The following STK38 variants were observed in gnomAD, a reference collection of about 807,000 sequenced individuals.
STK38 encodes serine/threonine kinase 38, also known as serine/threonine-protein kinase 38.
A neutral mutation model predicts 59.0 loss-of-function variants in STK38; 26 were observed. The ratio of observed to expected loss-of-function variants is 0.44; its 90% confidence interval spans 0.32 to 0.61. The LOEUF (loss-of-function observed/expected upper bound fraction) is 0.61. STK38 is among the 20% of genes least tolerant of loss of function. The pLI, the probability that STK38 is intolerant of heterozygous loss-of-function variation, is 0.04. For missense variants in STK38, 433 were observed against 566.0 expected (o/e 0.76, Z 2.38); for synonymous variants, 175 against 176.6 (o/e 0.99, Z 0.07).
intron 9 of STK38, among the ~76,000 whole-genome samples, chr6:36,500,826 C>G (rs1167017025): frequency 6.7e-6 from 1 of 149,736 alleles, no homozygotes; most frequent in Non-Finnish European, 1.5e-5. Context: ...TTCTATGATA[C>G]ACATTCTTTG....
chr6:36,513,707 C>T (rs955955866), intron 7 of STK38, among the ~76,000 whole-genome samples: 1 of 151,870 alleles, frequency 6.6e-6, no homozygotes, highest in African/African-American at 2.4e-5. Context: ...CACTTCTGCA[C>T]ATTATAATGA....
At position 36,540,213 on chromosome 6, in the gene STK38, A is replaced by C. The variant is rs1777900396; in HGVS notation, c.-5-6T>G. 6.2e-7 allele frequency: 1 copy of C among 1,613,530 alleles called. No individual in the cohort carries two copies. The highest frequency in any genetic ancestry group is 1.7e-5 in the Admixed American group (1 of 59,896). On this transcript the variant is annotated splice_polypyrimidine_tract_variant and splice_region_variant and intron_variant, in intron 1 of 13. Transcript: ENST00000229812. ...GCCTGTCATTGCCATGGCTGCTAGAAACAAAGAAAAGAAGAGGTGTTAGAT... is the reference window on the plus strand; with the variant it reads ...GCCTGTCATTGCCATGGCTGCTAGACACAAAGAAAAGAAGAGGTGTTAGAT...
intron 1 of STK38, among the ~76,000 whole-genome samples, chr6:36,546,029 T>A (rs1204429423): frequency 6.6e-6 from 1 of 152,224 alleles, no homozygotes; most frequent in East Asian, 1.9e-4. Context: ...CAATCCATTA[T>A]CTTTCATTTG....
intron 2 of STK38, among the ~76,000 whole-genome samples, chr6:36,530,980 G>A (rs1171211368): frequency 2.0e-5 from 3 of 151,972 alleles, no homozygotes; most frequent in Admixed American, 1.3e-4. Flanking sequence ...GTGAGCCCCT[G>A]TACCCAGCCA....
Position 36,524,474 on chromosome 6 carries a change from A to C in STK38, c.184-11T>G, listed in dbSNP as rs1006218473. The C allele has an allele frequency of 7.6e-6, 12 of 1,588,654 alleles. No individual in the cohort carries two copies. The highest frequency in any genetic ancestry group is 1.2e-5 in the South Asian group (1 of 86,100). On this transcript the variant is annotated splice_polypyrimidine_tract_variant and intron_variant, in intron 3 of 13. Transcript: ENST00000229812. ...TCTCCGGAGTCGTTTCTAATATTTA[A>C]ATAAAAAAGGGAGGAGACGGGAAGG...
chr6:36,526,450 G>A (rs924864548), intron 2 of STK38, among the ~76,000 whole-genome samples: 3 of 152,146 alleles, frequency 2.0e-5, no homozygotes, highest in Non-Finnish European at 4.4e-5. Flanking sequence ...AAAGGTGACT[G>A]GCACCACTAT....
intron 2 of STK38, among the ~76,000 whole-genome samples, chr6:36,529,715 T>C (rs959850693): frequency 6.6e-5 from 10 of 152,336 alleles, no homozygotes; most frequent in Middle Eastern, 3.4e-3. Flanking sequence ...TGTACACAGC[T>C]ACTTTCTAAA....
intron 2 of STK38, among the ~76,000 whole-genome samples, chr6:36,536,323 CT>C (rs1183432339): frequency 6.6e-6 from 1 of 152,020 alleles, no homozygotes; most frequent in Non-Finnish European, 1.5e-5. Context: ...AAAACTAAAT[CT>C]AAAAAACTTC....
intron 7 of STK38, among the ~76,000 whole-genome samples, chr6:36,511,932 G>A (rs1163958191): frequency 6.6e-6 from 1 of 151,922 alleles, no homozygotes; most frequent in East Asian, 2.0e-4. Flanking sequence ...GGTGGTGCAC[G>A]CCTGTAATCC....
intron 7 of STK38, among the ~76,000 whole-genome samples, chr6:36,512,485 ATC>A: frequency 6.6e-6 from 1 of 152,316 alleles, no homozygotes; most frequent in Admixed American, 6.5e-5. Context: ...TTAAACATAT[ATC>A]TGACATTAAT....
At chr6:36,517,870 A>G in intron 5 of STK38, 30 bp from the exon 6 acceptor site, 1 of 1,609,772 alleles carries the variant, frequency 6.2e-7, no homozygotes, top group Admixed American at 1.7e-5. Context: ...ATTAATGACA[A>G]AGCTTGCTCT....
intron 1 of STK38, among the ~76,000 whole-genome samples, chr6:36,544,797 G>C (rs1561996900): frequency 6.6e-6 from 1 of 152,054 alleles, no homozygotes; most frequent in Non-Finnish European, 1.5e-5. Context: ...GCTTGAGCTG[G>C]AGAGGCAGAG....
intron 1 of STK38, among the ~76,000 whole-genome samples, chr6:36,544,411 C>A (rs186079456): frequency 6.6e-6 from 1 of 151,940 alleles, no homozygotes; most frequent in African/African-American, 2.4e-5. Flanking sequence ...CCTGTACCCC[C>A]CCCTCCACCC....
At chr6:36,510,114 A>G (rs1307655741) in intron 7 of STK38, among the ~76,000 whole-genome samples, 1 of 152,000 alleles carries the variant, frequency 6.6e-6, no homozygotes, top group East Asian at 1.9e-4. Flanking sequence ...CCAGGGACCC[A>G]CCCCTTTCCA....
chr6:36,500,886 A>G (rs769562339), intron 9 of STK38, among the ~76,000 whole-genome samples: 7 of 152,164 alleles, frequency 4.6e-5, no homozygotes, highest in Non-Finnish European at 8.8e-5. Context: ...CTAAAGTTAT[A>G]TCCTATAACT....
chr6:36,518,371 G>C (rs985169380), intron 5 of STK38, among the ~76,000 whole-genome samples: 2 of 152,142 alleles, frequency 1.3e-5, no homozygotes, highest in African/African-American at 2.4e-5. Context: ...AAAAGTTGTA[G>C]ATTCAAATTA....
At chr6:36,511,656 T>C (rs1455837152) in intron 7 of STK38, among the ~76,000 whole-genome samples, 1 of 151,702 alleles carries the variant, frequency 6.6e-6, no homozygotes, top group East Asian at 2.0e-4. Flanking sequence ...ACGCCTGGCC[T>C]CAGTATCTTT....
In STK38 at chr6:36,495,386, G is replaced by A. The variant is rs73413212; in HGVS notation, c.*398C>T. On this transcript the variant is annotated 3_prime_UTR_variant, in exon 14 of 14. Coordinates refer to ENST00000229812, the MANE Select transcript of STK38 (RefSeq NM_007271.4). ...ATAAAGGAAATACTTGGTGGGCTTG[G>A]CAGAGAGCGTGTCACAAAATTACAG... The A allele has an allele frequency of 7.2e-3, 1,271 of 176,056 alleles. 23 individuals carry two copies. Among genetic ancestry groups the A allele is most frequent in the African/African-American group, 0.028 (1,184 of 41,996 alleles). The allele number at this position is 176,056 out of a possible 1,614,324, so 10.9% of individuals were successfully genotyped here. A position where few individuals can be genotyped will look rare whatever the true frequency, so the allele number is the denominator to read the frequency against.
At position 36,515,562 on chromosome 6, in the gene STK38, CGAGT is replaced by C. The variant is rs1198005218; in HGVS notation, c.515-74_515-71del. The C allele has an allele frequency of 4.7e-5, 74 of 1,568,274 alleles. 1 individual carries two copies. The Admixed American group carries it at 9.1e-4, about 19-fold the overall frequency. On this transcript the variant is annotated intron_variant, in intron 6 of 13. Coordinates refer to ENST00000229812, the MANE Select transcript of STK38 (RefSeq NM_007271.4). ...CACACACACACACACACACAACATACGAGTGAGTACCAATTTTCAGATATGTCTT... is the reference window on the plus strand; with the variant it reads ...CACACACACACACACACACAACATACGAGTACCAATTTTCAGATATGTCTT...
Sources: gnomAD v4.1 joint callset for allele counts (sites outside exome capture counted in the v4.1 genomes callset) on GRCh38, gnomAD v4.1.1 for gene constraint, MANE v1.5 for transcripts, NCBI Gene and HGNC (gene_info 2026-07-23, HGNC 2026-07-21) for gene names.